CFAP47: variants seen among roughly 807,000 people sequenced by gnomAD.
CFAP47 encodes cilia and flagella associated protein 47.
Under a neutral mutation model 148.1 loss-of-function variants are expected in CFAP47, and 29 were observed. The ratio of observed to expected loss-of-function variants is 0.20; its 90% confidence interval spans 0.15 to 0.27. The LOEUF (loss-of-function observed/expected upper bound fraction) is 0.27. CFAP47 is among the 10% of genes least tolerant of loss of function. The pLI is 1.00. For missense variants in CFAP47, 1,872 were observed against 1,697.5 expected (o/e 1.10, Z -1.81); for synonymous variants, 664 against 577.3 (o/e 1.15, Z -2.15).
Position 36,348,178 on chromosome X carries a change from A to C in CFAP47, c.8493A>C (p.Ile2831=). 2 of 1,052,459 alleles carry C rather than the reference A, an allele frequency of 1.9e-6. No homozygotes were observed. Among genetic ancestry groups the C allele is most frequent in the Non-Finnish European group, 1.2e-6 (1 of 806,354 alleles). 86.7% of individuals were successfully genotyped at this position (1,052,459 alleles called of 1,213,427 possible). ...KGNIDISLLF[I]PQIMKLHKTM... ...ATATAGATATCTCATTGTTATTTAT[A>C]CCTCAAATTATGAAATTACACAAAA... The change falls in exon 58 of 64, where the codon ATA becomes ATC. Residue 2831 remains isoleucine (I), a synonymous_variant. Coordinates refer to ENST00000378653, the MANE Select transcript of CFAP47 (RefSeq NM_001304548.2).
At chrX:36,062,501 G>A (rs1027996167) in intron 26 of CFAP47, among the ~76,000 whole-genome samples, 1 of 111,656 alleles carries the variant, frequency 9.0e-6, no homozygotes, top group Non-Finnish European at 1.9e-5. Flanking sequence ...CCAGAGAGAT[G>A]AATTGTGAGA....
At chrX:36,239,685 G>A (rs1555995628) in intron 48 of CFAP47, among the ~76,000 whole-genome samples, 2 of 111,671 alleles carry the variant, frequency 1.8e-5, no homozygotes, top group Admixed American at 1.9e-4. Context: ...ATAAGAGATT[G>A]GCTAAAAACT....
intron 2 of CFAP47, among the ~76,000 whole-genome samples, chrX:35,934,391 G>T (rs956558874): frequency 9.0e-6 from 1 of 110,749 alleles, no homozygotes; most frequent in African/African-American, 3.3e-5. Context: ...GTTCTCTTAA[G>T]GCCCAAGGTC....
intron 57 of CFAP47, among the ~76,000 whole-genome samples, chrX:36,338,553 C>G (rs369342410): frequency 4.8e-4 from 54 of 111,824 alleles, no homozygotes; most frequent in African/African-American, 1.5e-3. Flanking sequence ...GTTTTGGAAA[C>G]AGTTGATCCC....
In CFAP47 at chrX:36,001,542, A is replaced by T. The variant is rs1200880694; in HGVS notation, c.3323-71A>T. On this transcript the variant is annotated intron_variant, in intron 20 of 63. Coordinates refer to ENST00000378653, the MANE Select transcript of CFAP47 (RefSeq NM_001304548.2). ...AATTCTTTACTGAGCATCTTCACAT[A>T]GCCCTGCACAAATATTTTAGAAATT... The T allele has an allele frequency of 1.1e-5, 3 of 277,226 alleles. No homozygotes were observed. In the Admixed American group the frequency reaches 1.9e-4, roughly 18 times the overall value. 22.8% of individuals were successfully genotyped at this position (277,226 alleles called of 1,213,427 possible). A position where few individuals can be genotyped will look rare whatever the true frequency, so the allele number is the denominator to read the frequency against.
chrX:36,143,643 T>C (rs1939181898), intron 35 of CFAP47, among the ~76,000 whole-genome samples: 1 of 111,678 alleles, frequency 9.0e-6, no homozygotes, highest in Non-Finnish European at 1.9e-5. Flanking sequence ...GAATAACTTT[T>C]CCCCACTGCT....
At chrX:36,134,616 C>A (rs1007184283) in intron 33 of CFAP47, among the ~76,000 whole-genome samples, 1 of 111,177 alleles carries the variant, frequency 9.0e-6, no homozygotes, top group Non-Finnish European at 1.9e-5. Context: ...CCTCACATCT[C>A]GTACTAAAAT....
chrX:36,347,192 A>C (rs1556016698), intron 57 of CFAP47, among the ~76,000 whole-genome samples: 2 of 112,387 alleles, frequency 1.8e-5, no homozygotes, highest in South Asian at 7.4e-4. Flanking sequence ...AATGCTCATC[A>C]TCACTGGTCA....
At chrX:36,025,479 G>GA (rs772751004) in intron 22 of CFAP47, among the ~76,000 whole-genome samples, 8,262 of 99,932 alleles carry the variant, frequency 0.083, 899 homozygotes, top group African/African-American at 0.28. Context: ...AAATAAAAAT[G>GA]AAAAAAAAAA....
chrX:36,359,947 G>A (rs782503803), intron 60 of CFAP47, among the ~76,000 whole-genome samples: 1 of 110,531 alleles, frequency 9.0e-6, no homozygotes, highest in Non-Finnish European at 1.9e-5. Flanking sequence ...TAGAGACGGG[G>A]TTTCACTGTG....
rs1490714018 is a variant in CFAP47 at position 35,951,233 on chromosome X, A to G, written c.759A>G (p.Glu253=). 3 of 1,208,875 alleles carry G rather than the reference A, an allele frequency of 2.5e-6. No individual in the cohort carries two copies. The highest frequency in any genetic ancestry group is 2.2e-6 in the Non-Finnish European group (2 of 893,052). The change falls in exon 5 of 64, where the codon GAA becomes GAG. Residue 253 remains glutamate (E), a synonymous_variant. Transcript: ENST00000378653. ...LLSMSSDRRL[E]CIHFGPVFFG... ...GCATGAGTAGTGACAGAAGGCTGGA[A>G]TGCATACACTTTGGTCCTGTTTTCT... is the stretch of plus-strand genomic sequence containing the variant.
chrX:36,296,978 T>A (rs1355421444), intron 51 of CFAP47, among the ~76,000 whole-genome samples: 1 of 111,847 alleles, frequency 8.9e-6, no homozygotes, highest in Admixed American at 9.6e-5. Context: ...ATTATAAGCG[T>A]TGAATATTTT....
chrX:36,346,401 T>C (rs1442717996), intron 57 of CFAP47, among the ~76,000 whole-genome samples: 1 of 111,343 alleles, frequency 9.0e-6, no homozygotes, highest in Non-Finnish European at 1.9e-5. Flanking sequence ...ATAGTAAATG[T>C]TGAAAAATTC....
chrX:36,195,324 C>T (rs782795823), intron 42 of CFAP47, among the ~76,000 whole-genome samples: 15 of 112,014 alleles, frequency 1.3e-4, no homozygotes, highest in Non-Finnish European at 2.8e-4. Context: ...TCTATGAACA[C>T]AGCAAAACAG....
At chrX:36,325,129 G>T (rs926442008) in intron 57 of CFAP47, among the ~76,000 whole-genome samples, 5 of 111,121 alleles carry the variant, frequency 4.5e-5, no homozygotes, top group Middle Eastern at 4.7e-3. Flanking sequence ...ACAATTTTTG[G>T]CATACCTTTG....
chrX:36,179,837 T>G (rs1456098641), intron 40 of CFAP47, among the ~76,000 whole-genome samples: 1 of 111,163 alleles, frequency 9.0e-6, no homozygotes, highest in African/African-American at 3.3e-5. Flanking sequence ...TCAGATGGCT[T>G]TCCTGACACT....
chrX:36,206,662 A>T (rs1333713734), intron 45 of CFAP47, among the ~76,000 whole-genome samples: 1 of 111,882 alleles, frequency 8.9e-6, no homozygotes, highest in East Asian at 2.8e-4. Flanking sequence ...TTGACTTAAA[A>T]CTTGAAGTAT....
At chrX:36,229,569 C>A (rs976633569) in intron 46 of CFAP47, among the ~76,000 whole-genome samples, 3 of 111,129 alleles carry the variant, frequency 2.7e-5, no homozygotes, top group Non-Finnish European at 3.8e-5. Flanking sequence ...ATGTAGTCAT[C>A]ATTATGCCTT....
chrX:36,361,996 TC>T (rs1483683690), intron 61 of CFAP47, among the ~76,000 whole-genome samples: 7 of 111,653 alleles, frequency 6.3e-5, no homozygotes, highest in Non-Finnish European at 1.1e-4. Flanking sequence ...ATGTCTGTCC[TC>T]TAGGAAACTT....
Sources: gnomAD v4.1 joint callset for allele counts (sites outside exome capture counted in the v4.1 genomes callset) on GRCh38, gnomAD v4.1.1 for gene constraint, MANE v1.5 for transcripts, NCBI Gene and HGNC (gene_info 2026-07-23, HGNC 2026-07-21) for gene names.